Variants in ANKRD46 observed in about 807,000 individuals in gnomAD.
ANKRD46 encodes ankyrin repeat domain 46.
A neutral mutation model predicts 19.8 loss-of-function variants in ANKRD46; 13 were observed. That is an observed-to-expected ratio of 0.66 (90% CI 0.43 to 1.04). The LOEUF (loss-of-function observed/expected upper bound fraction) is 1.04. Ranked by LOEUF, ANKRD46 falls within the 50% of genes least tolerant of loss-of-function variation. The pLI is 0.00. For missense variants in ANKRD46, 185 were observed against 274.8 expected (o/e 0.67, Z 2.31); for synonymous variants, 91 against 106.9 (o/e 0.85, Z 0.92).
In ANKRD46 at chr8:100,550,565, G is replaced by A. The variant is rs7013248; in HGVS notation, c.-131+9146C>T. On this transcript the variant is annotated intron_variant, in intron 1 of 4. Coordinates refer to ENST00000335659, the MANE Select transcript of ANKRD46 (RefSeq NM_001270377.2). The surrounding 1 kb of genome is among the most constrained non-coding windows in gnomAD (Gnocchi z 4.4). The stretch of plus-strand genomic sequence containing the variant: ...TTGAGTACAGAGGACTTTATTGATG[G>A]TACACGACAAGATAGAGCTCTTTGT... 0.018 allele frequency: 2,938 copies of A among 162,826 alleles called. 100 individuals carry two copies. Among genetic ancestry groups the A allele is most frequent in the African/African-American group, 0.068 (2,802 of 40,924 alleles). The allele number at this position is 162,826 out of a possible 1,614,324, so 10.1% of individuals were successfully genotyped here.
chr8:100,536,500 A>G lies in ANKRD46; in HGVS notation c.-130-3189T>C, dbSNP rs1398207291. On this transcript the variant is annotated intron_variant, in intron 1 of 4. Transcript: ENST00000335659. This position sits in a 1 kb window ranked among gnomAD's most constrained non-coding sequence, Gnocchi z 4.9. ...AATAAGCTATTATCCTTTTCAGGCT[A>G]GACACAGCTCTGGGGAGACAGTCCT... 6.6e-6 allele frequency among the ~76,000 whole-genome samples: 1 copy of G among 152,198 alleles called. No individual in the cohort carries two copies. Among genetic ancestry groups the G allele is most frequent in the Non-Finnish European group, 1.5e-5 (1 of 68,028 alleles).
chr8:100,531,739 G>T (rs1811967204), intron 2 of ANKRD46, among the ~76,000 whole-genome samples: 1 of 152,066 alleles, frequency 6.6e-6, no homozygotes, highest in Non-Finnish European at 1.5e-5. Flanking sequence ...AAACTCCTGG[G>T]TTCAAGCAAT....
chr8:100,534,871 A>G lies in ANKRD46; in HGVS notation c.-130-1560T>C, dbSNP rs1163416982. Among the ~76,000 whole-genome samples, 1 of 152,144 alleles carries G rather than the reference A, an allele frequency of 6.6e-6. No homozygotes were observed. The highest frequency in any genetic ancestry group is 1.5e-5 in the Non-Finnish European group (1 of 68,016). ...CTGCAGAGGCCTCCGCGTTCAAGCA[A>G]TTATCCTGCCTCAGCCTCCCCAGTA... On this transcript the variant is annotated intron_variant, in intron 1 of 4. Transcript: ENST00000335659. The surrounding 1 kb of genome is among the most constrained non-coding windows in gnomAD (Gnocchi z 4.2).
At chr8:100,535,745 C>CT (rs1029227373) in intron 1 of ANKRD46, among the ~76,000 whole-genome samples, 33 of 152,280 alleles carry the variant, frequency 2.2e-4, no homozygotes, top group Middle Eastern at 3.4e-3. Flanking sequence ...TAGTTTGTCC[C>CT]TTTTTTATCC....
In ANKRD46 at chr8:100,557,136, C is replaced by T. The variant is rs888410675; in HGVS notation, c.-131+2575G>A. 6.6e-6 allele frequency among the ~76,000 whole-genome samples: 1 copy of T among 152,294 alleles called. No individual in the cohort carries two copies. The highest frequency in any genetic ancestry group is 6.5e-5 in the Admixed American group (1 of 15,298). ...TTGCACAAGCTTGCATTAGTGACTT[C>T]CCAAATTTCTATTTCCAGTTGGACC... is the stretch of plus-strand genomic sequence containing the variant. On this transcript the variant is annotated intron_variant, in intron 1 of 4. Transcript: ENST00000335659. The surrounding 1 kb of genome is among the most constrained non-coding windows in gnomAD (Gnocchi z 5.9).
At chr8:100,530,103 C>T (rs1811927683) in intron 2 of ANKRD46, among the ~76,000 whole-genome samples, 1 of 152,100 alleles carries the variant, frequency 6.6e-6, no homozygotes, top group South Asian at 2.1e-4. Flanking sequence ...TTGCTTTTCA[C>T]CATGTAAAAA....
Position 100,534,002 on chromosome 8 carries a change from C to A in ANKRD46, c.-130-691G>T, listed in dbSNP as rs913859425. Among the ~76,000 whole-genome samples, 1 of 152,142 alleles carries A rather than the reference C, an allele frequency of 6.6e-6. No homozygotes were observed. Among genetic ancestry groups the A allele is most frequent in the Non-Finnish European group, 1.5e-5 (1 of 68,030 alleles). On this transcript the variant is annotated intron_variant, in intron 1 of 4. Transcript: ENST00000335659. The surrounding 1 kb of genome is among the most constrained non-coding windows in gnomAD (Gnocchi z 4.2). ...CCACTCAGCTCTTCTCTGGAAGGACCGTGGAAGCAGGGTCATGGGCAGGCA... is the reference window on the plus strand; with the variant it reads ...CCACTCAGCTCTTCTCTGGAAGGACAGTGGAAGCAGGGTCATGGGCAGGCA...
downstream of ANKRD46, among the ~76,000 whole-genome samples, chr8:100,515,879 T>G (rs958266374): frequency 1.3e-5 from 2 of 151,910 alleles, no homozygotes; most frequent in Admixed American, 6.6e-5. Flanking sequence ...TTTTTGTTTT[T>G]TTTTTTTTTG....
At position 100,546,472 on chromosome 8, in the gene ANKRD46, G is replaced by A. The variant is rs1812274672; in HGVS notation, c.-130-13161C>T. On this transcript the variant is annotated intron_variant, in intron 1 of 4. Transcript: ENST00000335659. The surrounding 1 kb of genome is among the most constrained non-coding windows in gnomAD (Gnocchi z 4.0). Reference sequence around the variant, plus strand: ...GTGGTGTTGGGCCTGTAGGTGTGCAGAAGACAGGAGTTGAGCTTTGGGAAC... The same window carrying A: ...GTGGTGTTGGGCCTGTAGGTGTGCAAAAGACAGGAGTTGAGCTTTGGGAAC... Among the ~76,000 whole-genome samples the A allele has an allele frequency of 6.6e-6, 1 of 152,266 alleles. No individual in the cohort carries two copies. Among genetic ancestry groups the A allele is most frequent in the Non-Finnish European group, 1.5e-5 (1 of 68,048 alleles).
chr8:100,555,489 A>G (rs1382106295), intron 1 of ANKRD46, among the ~76,000 whole-genome samples: 6 of 151,506 alleles, frequency 4.0e-5, no homozygotes, highest in Admixed American at 3.9e-4. Context: ...ACTAAAAAAA[A>G]AAAGACTATA....
intron 5 of ANKRD46, among the ~76,000 whole-genome samples, chr8:100,513,279 T>A (rs1214234615): frequency 6.6e-6 from 1 of 152,126 alleles, no homozygotes; most frequent in Non-Finnish European, 1.5e-5. Context: ...CTGGAGTGAG[T>A]TAGGCAGAAT....
Position 100,550,815 on chromosome 8 carries a change from AG to A in ANKRD46, c.-131+8895del. ...AATGAGCTTGACAAAGTGGTCACTGAGGGCAATGGCAGCCCCAGCATCGAAA... is the reference window on the plus strand; with the variant it reads ...AATGAGCTTGACAAAGTGGTCACTGAGGCAATGGCAGCCCCAGCATCGAAA... On this transcript the variant is annotated intron_variant, in intron 1 of 4. Coordinates refer to ENST00000335659, the MANE Select transcript of ANKRD46 (RefSeq NM_001270377.2). This position sits in a 1 kb window ranked among gnomAD's most constrained non-coding sequence, Gnocchi z 4.4. The A allele has an allele frequency of 2.2e-6, 1 of 456,898 alleles. No homozygotes were observed. The highest frequency in any genetic ancestry group is 2.6e-5 in the Admixed American group (1 of 39,138). The allele number at this position is 456,898 out of a possible 1,614,324, so 28.3% of individuals were successfully genotyped here. A position where few individuals can be genotyped will look rare whatever the true frequency, so the allele number is the denominator to read the frequency against.
Position 100,509,836 on chromosome 8 carries a change from C to T in ANKRD46, c.*741G>A, listed in dbSNP as rs977926022. On this transcript the variant is annotated 3_prime_UTR_variant, in exon 6 of 6. Transcript: ENST00000520552. Reference sequence around the variant, plus strand: ...AAGTGCCTGATACTTCAGGGATGGACTCTGGGCAGGAGACAATTTAGGATG... The same window carrying T: ...AAGTGCCTGATACTTCAGGGATGGATTCTGGGCAGGAGACAATTTAGGATG... 4.6e-5 allele frequency: 7 copies of T among 152,220 alleles called. No individual in the cohort carries two copies. In the South Asian group the frequency reaches 1.0e-3, roughly 22 times the overall value. The allele number at this position is 152,220 out of a possible 1,614,324, so 9.4% of individuals were successfully genotyped here. A position where few individuals can be genotyped will look rare whatever the true frequency, so the allele number is the denominator to read the frequency against.
At position 100,550,298 on chromosome 8, in the gene ANKRD46, T is replaced by C. The variant is rs1812358135; in HGVS notation, c.-131+9413A>G. ...CCCACTAGCAATGAATAAGAGTTCC[T>C]GTTAATCCACATTCTCACCAGCATT... On this transcript the variant is annotated intron_variant, in intron 1 of 4. Coordinates refer to ENST00000335659, the MANE Select transcript of ANKRD46 (RefSeq NM_001270377.2). This position sits in a 1 kb window ranked among gnomAD's most constrained non-coding sequence, Gnocchi z 4.4. Among the ~76,000 whole-genome samples the C allele has an allele frequency of 6.6e-6, 1 of 152,248 alleles. No individual in the cohort carries two copies. The highest frequency in any genetic ancestry group is 1.5e-5 in the Non-Finnish European group (1 of 68,036).
downstream of ANKRD46, among the ~76,000 whole-genome samples, chr8:100,518,734 C>A (rs1811673979): frequency 1.3e-5 from 2 of 151,966 alleles, no homozygotes; most frequent in African/African-American, 4.8e-5. Context: ...CCCCTGTAAT[C>A]CCAGCTACTC....
downstream of ANKRD46, among the ~76,000 whole-genome samples, chr8:100,518,477 A>C (rs933845866): frequency 6.6e-6 from 1 of 152,224 alleles, no homozygotes; most frequent in Non-Finnish European, 1.5e-5. Flanking sequence ...GCAATTCTTG[A>C]TAAAGTTTTG....
intron 1 of ANKRD46, among the ~76,000 whole-genome samples, chr8:100,549,062 T>G (rs1388124090): frequency 1.3e-5 from 2 of 151,384 alleles, no homozygotes; most frequent in African/African-American, 2.4e-5. Flanking sequence ...AAAAAAAAAG[T>G]AATTTGGGTA....
Position 100,534,373 on chromosome 8 carries a change from T to C in ANKRD46, c.-130-1062A>G, listed in dbSNP as rs372211391. On this transcript the variant is annotated intron_variant, in intron 1 of 4. Transcript: ENST00000335659. This position sits in a 1 kb window ranked among gnomAD's most constrained non-coding sequence, Gnocchi z 4.2. The stretch of plus-strand genomic sequence containing the variant: ...GTCAGTAAATATCACGAAGACATGA[T>C]AACACACAAAACATCTACGCTCCTC... Among the ~76,000 whole-genome samples, 44 of 152,340 alleles carry C rather than the reference T, an allele frequency of 2.9e-4. No homozygotes were observed. Among genetic ancestry groups the C allele is most frequent in the Middle Eastern group, 3.4e-3 (1 of 294 alleles).
downstream of ANKRD46, among the ~76,000 whole-genome samples, chr8:100,519,351 C>T (rs1811685182): frequency 6.6e-6 from 1 of 152,176 alleles, no homozygotes; most frequent in Admixed American, 6.5e-5. Flanking sequence ...TCTAAAAATT[C>T]TGTACTCATT....
Sources: gnomAD v4.1 joint callset for allele counts (sites outside exome capture counted in the v4.1 genomes callset) on GRCh38, gnomAD v4.1.1 for gene constraint, Gnocchi (gnomAD v3.1) non-coding constraint, MANE v1.5 for transcripts, NCBI Gene and HGNC (gene_info 2026-07-23, HGNC 2026-07-21) for gene names.